The following CSMD3 variants were observed in gnomAD, a reference collection of about 807,000 sequenced individuals.
CSMD3 encodes the protein CUB and Sushi multiple domains 3.
Under a neutral mutation model 435.2 loss-of-function variants are expected in CSMD3, and 177 were observed. The observed-to-expected ratio is 0.41, with a 90% CI of 0.36 to 0.46. CSMD3 has a LOEUF of 0.46. Among genes scored for constraint, CSMD3 ranks in the 20% least tolerant of loss-of-function variants. The pLI, the probability that CSMD3 is intolerant of heterozygous loss-of-function variation, is 0.34. For missense variants in CSMD3, 4,265 were observed against 4,504.6 expected (o/e 0.95, Z 1.52); for synonymous variants, 1,656 against 1,520.5 (o/e 1.09, Z -2.07).
At chr8:113,238,897 TC>T (rs1277631049) in intron 3 of CSMD3, among the ~76,000 whole-genome samples, 3 of 152,162 alleles carry the variant, frequency 2.0e-5, no homozygotes, top group Admixed American at 6.5e-5. Context: ...ACCATGGGAT[TC>T]CAAGATACTT....
intron 13 of CSMD3, among the ~76,000 whole-genome samples, chr8:112,749,564 AC>A (rs1415375542): frequency 6.6e-6 from 1 of 152,060 alleles, no homozygotes; most frequent in Non-Finnish European, 1.5e-5. Context: ...TAAACGTAAA[AC>A]CCAAAAAAAT....
At chr8:112,945,992 T>C (rs1390452495) in intron 9 of CSMD3, among the ~76,000 whole-genome samples, 1 of 151,806 alleles carries the variant, frequency 6.6e-6, no homozygotes, top group Non-Finnish European at 1.5e-5. Context: ...TTATTTTCTT[T>C]TTGACTTCTG....
intron 14 of CSMD3, among the ~76,000 whole-genome samples, chr8:112,686,828 G>C (rs920589251): frequency 1.3e-5 from 2 of 151,860 alleles, no homozygotes; most frequent in African/African-American, 4.8e-5. Context: ...CCTACATTTT[G>C]TACTAAATTA....
At chr8:113,219,458 A>G (rs1260132056) in intron 3 of CSMD3, among the ~76,000 whole-genome samples, 3 of 151,432 alleles carry the variant, frequency 2.0e-5, no homozygotes, top group Non-Finnish European at 3.0e-5. Context: ...ACACTGAGAA[A>G]TCTCATACCA....
At chr8:112,941,137 T>G (rs2083439317) in intron 9 of CSMD3, among the ~76,000 whole-genome samples, 1 of 151,708 alleles carries the variant, frequency 6.6e-6, no homozygotes, top group Non-Finnish European at 1.5e-5. Context: ...GGATTTTGAG[T>G]GAGCACTTGA....
chr8:112,984,959 A>G (rs1330650337), intron 6 of CSMD3, among the ~76,000 whole-genome samples: 1 of 151,868 alleles, frequency 6.6e-6, no homozygotes, highest in Non-Finnish European at 1.5e-5. Flanking sequence ...AACACAAATT[A>G]AATGACTATT....
intron 4 of CSMD3, among the ~76,000 whole-genome samples, chr8:113,111,376 G>T (rs2090634712): frequency 6.6e-6 from 1 of 151,942 alleles, no homozygotes; most frequent in Non-Finnish European, 1.5e-5. Context: ...AATTTACTAT[G>T]ACTTATTTTG....
At chr8:112,680,759 CATCATGAGACATTAT>C (rs2131775049) in intron 16 of CSMD3, among the ~76,000 whole-genome samples, 1 of 152,262 alleles carries the variant, frequency 6.6e-6, no homozygotes, top group South Asian at 2.1e-4. Flanking sequence ...GGGATTACTT[CATCATGAGACATTAT>C]GAAAATGTTC....
At chr8:112,672,947 C>A (rs1170685089) in intron 16 of CSMD3, among the ~76,000 whole-genome samples, 1 of 152,002 alleles carries the variant, frequency 6.6e-6, no homozygotes, top group Admixed American at 6.6e-5. Flanking sequence ...TACTCCACAG[C>A]AGGAGATGCT....
intron 1 of CSMD3, among the ~76,000 whole-genome samples, chr8:113,426,958 A>G (rs2094639030): frequency 6.6e-6 from 1 of 151,528 alleles, no homozygotes; most frequent in Non-Finnish European, 1.5e-5. Context: ...TAAAATAAGA[A>G]TGGCCTATGA....
intron 20 of CSMD3, among the ~76,000 whole-genome samples, chr8:112,643,812 A>T (rs964692963): frequency 2.0e-5 from 3 of 152,078 alleles, no homozygotes; most frequent in Non-Finnish European, 4.4e-5. Flanking sequence ...TATTTAATTC[A>T]TTGTAGAAAT....
intron 3 of CSMD3, among the ~76,000 whole-genome samples, chr8:113,197,785 A>ATG (rs1305628678): frequency 6.6e-6 from 1 of 151,198 alleles, no homozygotes; most frequent in Admixed American, 6.6e-5. Context: ...ATTTTATGAC[A>ATG]ATCTTAATAG....
intron 4 of CSMD3, among the ~76,000 whole-genome samples, chr8:113,121,202 G>A (rs2090975409): frequency 6.6e-6 from 1 of 151,986 alleles, no homozygotes; most frequent in South Asian, 2.1e-4. Context: ...ATCCCCAAAG[G>A]AAACCTCTAC....
intron 5 of CSMD3, among the ~76,000 whole-genome samples, chr8:113,076,301 A>G (rs1196069215): frequency 6.6e-6 from 1 of 151,808 alleles, no homozygotes; most frequent in Non-Finnish European, 1.5e-5. Context: ...TGTTCATAAT[A>G]CATCTTTTGC....
intron 17 of CSMD3, among the ~76,000 whole-genome samples, chr8:112,659,310 T>C (rs2075325658): frequency 6.6e-6 from 1 of 152,182 alleles, no homozygotes; most frequent in African/African-American, 2.4e-5. Flanking sequence ...TTTAAAATAG[T>C]TGTATAAATT....
intron 9 of CSMD3, among the ~76,000 whole-genome samples, chr8:112,927,756 T>A (rs1365944192): frequency 6.6e-6 from 1 of 152,126 alleles, no homozygotes; most frequent in Non-Finnish European, 1.5e-5. Flanking sequence ...CCTTATAAAA[T>A]TAATGTCATT....
At chr8:112,458,209 T>TCACCCACACACACACA (rs1817045030) in intron 32 of CSMD3, among the ~76,000 whole-genome samples, 1 of 68,286 alleles carries the variant, frequency 1.5e-5, no homozygotes, top group African/African-American at 3.8e-5. Flanking sequence ...ACACACACAC[T>TCACCCACACACACACA]CACACCCACA....
intron 5 of CSMD3, among the ~76,000 whole-genome samples, chr8:113,046,987 G>C (rs1564251001): frequency 1.3e-5 from 2 of 152,176 alleles, no homozygotes; most frequent in Non-Finnish European, 2.9e-5. Context: ...TCAGAGATGA[G>C]GCGACTATCT....
chr8:112,826,650 C>T (rs1235670786), intron 12 of CSMD3, among the ~76,000 whole-genome samples: 2 of 152,270 alleles, frequency 1.3e-5, no homozygotes, highest in East Asian at 3.9e-4. Flanking sequence ...TCATGCTAGC[C>T]ACCTAGTCAG....
Sources: gnomAD v4.1 joint callset for allele counts (sites outside exome capture counted in the v4.1 genomes callset) on GRCh38, gnomAD v4.1.1 for gene constraint, MANE v1.5 for transcripts, NCBI Gene and HGNC (gene_info 2026-07-23, HGNC 2026-07-21) for gene names.